The following KIF16B variants were observed in gnomAD, a reference collection of about 807,000 sequenced individuals.
The protein encoded by KIF16B is kinesin-like protein KIF16B.
KIF16B carries 98 observed loss-of-function variants against 156.3 expected under a neutral mutation model. The ratio of observed to expected loss-of-function variants is 0.63; its 90% CI spans 0.53 to 0.74. The LOEUF is 0.74. Ranked by LOEUF, KIF16B falls within the 30% of genes least tolerant of loss-of-function variation. The pLI, the probability that KIF16B is intolerant of heterozygous loss-of-function variation, is 0.00. For missense variants in KIF16B, 1,421 were observed against 1,606.5 expected, an observed-to-expected ratio of 0.88 and a Z score of 1.97; for synonymous variants, 564 against 583.7, an observed-to-expected ratio of 0.97 and a Z score of 0.49.
At chr20:16,411,904 C>T (rs760863212) in intron 15 of KIF16B, among the ~76,000 whole-genome samples, 9 of 145,922 alleles carry the variant, frequency 6.2e-5, no homozygotes, top group South Asian at 2.2e-4. Context: ...TTGGACATTT[C>T]GGATTTCTGA....
intron 12 of KIF16B, among the ~76,000 whole-genome samples, chr20:16,489,147 G>A (rs977247599): frequency 1.3e-5 from 2 of 152,168 alleles, no homozygotes; most frequent in African/African-American, 2.4e-5. Flanking sequence ...AGTATTTCCC[G>A]AGGGCAAGGC....
intron 15 of KIF16B, among the ~76,000 whole-genome samples, chr20:16,417,805 ACTGAAATGATCCAAT>A (rs768113892): frequency 9.9e-4 from 151 of 152,270 alleles, no homozygotes; most frequent in Non-Finnish European, 1.7e-3. Flanking sequence ...ACACAGGTCA[ACTGAAATGATCCAAT>A]CTGAAAAGCA....
chr20:16,520,866 G>T (rs555475736), intron 3 of KIF16B, among the ~76,000 whole-genome samples: 64 of 152,314 alleles, frequency 4.2e-4, no homozygotes, highest in African/African-American at 1.5e-3. Flanking sequence ...TGCAGCCTCC[G>T]CTGGTGATAC....
At chr20:16,398,104 G>T (rs1370806321) in intron 17 of KIF16B, among the ~76,000 whole-genome samples, 1 of 152,216 alleles carries the variant, frequency 6.6e-6, no homozygotes, top group Non-Finnish European at 1.5e-5. Context: ...TACACGGGAA[G>T]CACTTAGCTC....
chr20:16,444,405 C>T (rs942533516), intron 12 of KIF16B, among the ~76,000 whole-genome samples: 1 of 152,032 alleles, frequency 6.6e-6, no homozygotes, highest in Non-Finnish European at 1.5e-5. Flanking sequence ...AATATTACTT[C>T]ATGATGTGTA....
chr20:16,448,865 T>C (rs141178832), intron 12 of KIF16B, among the ~76,000 whole-genome samples: 27 of 143,064 alleles, frequency 1.9e-4, no homozygotes, highest in Middle Eastern at 3.5e-3. Context: ...GAAAAACAGA[T>C]AGAAATATGA....
chr20:16,400,014 T>C (rs2065609271), intron 17 of KIF16B, among the ~76,000 whole-genome samples: 1 of 152,178 alleles, frequency 6.6e-6, no homozygotes, highest in African/African-American at 2.4e-5. Context: ...GAGCAATGCC[T>C]TTCAATGCAA....
chr20:16,274,210 A>ACT (rs1271027716), intron 25 of KIF16B, among the ~76,000 whole-genome samples: 1 of 152,206 alleles, frequency 6.6e-6, no homozygotes, highest in East Asian at 1.9e-4. Context: ...AATACTGAGG[A>ACT]CAAGAGGGTC....
intron 12 of KIF16B, among the ~76,000 whole-genome samples, chr20:16,450,421 T>G (rs1445220991): frequency 6.6e-6 from 1 of 152,106 alleles, no homozygotes; most frequent in African/African-American, 2.4e-5. Flanking sequence ...AGCCTGAGGG[T>G]TGGCAAAGTT....
chr20:16,366,793 T>C (rs2064676127), intron 22 of KIF16B: 1 of 1,010,996 alleles, frequency 9.9e-7, no homozygotes, highest in Non-Finnish European at 1.2e-6. Context: ...TGGAATCCAG[T>C]AGGCACAGAC....
At chr20:16,274,965 A>G (rs2063038730) in intron 25 of KIF16B, among the ~76,000 whole-genome samples, 1 of 152,238 alleles carries the variant, frequency 6.6e-6, no homozygotes, top group Admixed American at 6.5e-5. Context: ...ACTAACAACA[A>G]CACTTGTAAA....
intron 17 of KIF16B, among the ~76,000 whole-genome samples, chr20:16,389,344 C>A (rs2065306803): frequency 6.6e-6 from 1 of 152,140 alleles, no homozygotes; most frequent in South Asian, 2.1e-4. Flanking sequence ...CTGAACTCTG[C>A]AAATTATGCA....
intron 12 of KIF16B, among the ~76,000 whole-genome samples, chr20:16,449,613 C>G (rs2067026046): frequency 6.6e-6 from 1 of 152,152 alleles, no homozygotes; most frequent in South Asian, 2.1e-4. Flanking sequence ...CGAGTGGAAG[C>G]AAGCATTAAA....
chr20:16,495,703 T>C (rs1179159088), intron 11 of KIF16B, among the ~76,000 whole-genome samples: 1 of 152,140 alleles, frequency 6.6e-6, no homozygotes, highest in East Asian at 1.9e-4. Flanking sequence ...TGGTTTTGTT[T>C]TTTAGAGATG....
intron 22 of KIF16B, among the ~76,000 whole-genome samples, chr20:16,362,322 C>T (rs1449583451): frequency 6.9e-6 from 1 of 144,278 alleles, no homozygotes; most frequent in African/African-American, 2.5e-5. Context: ...ATCAAATTCA[C>T]GCTATGACTG....
chr20:16,541,006 C>T (rs1015786932), intron 1 of KIF16B, among the ~76,000 whole-genome samples: 17 of 152,186 alleles, frequency 1.1e-4, no homozygotes, highest in African/African-American at 3.6e-4. Flanking sequence ...GTAACACCTG[C>T]ACCCTCAGTA....
chr20:16,374,993 A>C (rs1270880764), intron 19 of KIF16B, among the ~76,000 whole-genome samples: 5 of 152,212 alleles, frequency 3.3e-5, no homozygotes, highest in Non-Finnish European at 7.3e-5. Flanking sequence ...GGGCTAAGGC[A>C]GAGGGCATGG....
chr20:16,313,277 T>C (rs2063648461), intron 24 of KIF16B, among the ~76,000 whole-genome samples: 1 of 152,022 alleles, frequency 6.6e-6, no homozygotes, highest in African/African-American at 2.4e-5. Context: ...CAAGAAAAAA[T>C]GAGCATTTCT....
chr20:16,477,419 T>A lies in KIF16B; in HGVS notation c.1302+16872A>T, dbSNP rs6131827. Among the ~76,000 whole-genome samples the A allele has an allele frequency of 1.2e-3, 176 of 152,292 alleles. 5 individuals are homozygous for A. The East Asian group carries it at 0.027, about 23-fold the overall frequency. On this transcript the variant is annotated intron_variant, in intron 12 of 25. Coordinates refer to ENST00000354981, the MANE Select transcript of KIF16B (RefSeq NM_024704.5). The stretch of plus-strand genomic sequence containing the variant: ...ACTCAAACAACAAACAAGGTTTGCA[T>A]TGAAATCGGCATAGAGTAAAAGACC...
Sources: gnomAD v4.1 joint callset for allele counts (sites outside exome capture counted in the v4.1 genomes callset) on GRCh38, gnomAD v4.1.1 for gene constraint, MANE v1.5 for transcripts, NCBI Gene and HGNC (gene_info 2026-07-23, HGNC 2026-07-21) for gene names.